DOCK7: variants seen among roughly 807,000 people sequenced by gnomAD.
DOCK7 encodes dedicator of cytokinesis 7, also known as dedicator of cytokinesis protein 7.
A neutral mutation model predicts 271.0 loss-of-function variants in DOCK7; 138 were observed. That is an observed-to-expected ratio of 0.51 (90% CI 0.44 to 0.59). The LOEUF (loss-of-function observed/expected upper bound fraction) is 0.59, where lower values mean the gene tolerates loss of function less well. Among genes scored for constraint, DOCK7 ranks in the 20% least tolerant of loss-of-function variants. The pLI, the probability that DOCK7 is intolerant of heterozygous loss-of-function variation, is 0.00. For synonymous variants in DOCK7, 823 were observed against 876.1 expected (o/e 0.94, Z 1.07); for missense variants, 2,066 against 2,592.4 (o/e 0.80, Z 4.41).
In DOCK7 at chr1:62,516,232, A is replaced by G. The variant is rs146072953; in HGVS notation, c.3937-2334T>C. 8.5e-5 allele frequency among the ~76,000 whole-genome samples: 13 copies of G among 152,356 alleles called. No individual in the cohort carries two copies. In the East Asian group the frequency reaches 2.5e-3, roughly 29 times the overall value. On this transcript the variant is annotated intron_variant, in intron 31 of 49. Transcript: ENST00000635253. ...AGATGGTCACATTTGCCTACATTAA[A>G]AATGAGAATTTGTATTCATTCAAAT...
intron 37 of DOCK7, 84 bp downstream of exon 37, chr1:62,504,546 C>G (rs1646884826): frequency 1.4e-6 from 2 of 1,396,178 alleles, no homozygotes; most frequent in Admixed American, 2.5e-5. Flanking sequence ...AAACTCCATG[C>G]TCTCCCAAAA....
In DOCK7 at chr1:62,494,295, C is replaced by T; in HGVS notation, c.5197G>A (p.Val1733Met). Residue 1733 changes from valine (V) to methionine (M), a missense_variant, in exon 40 of 50, where the codon GTG becomes ATG. Around this residue, in one of 2 missense-constraint regions of DOCK7, gnomAD observed 652 missense variants for 922.1 expected, o/e 0.71. Transcript: ENST00000635253. ...CCTACCTGAAATGTTACACATCCCA[C>T]AGGAAGATATTTCCGGTCCTCCAGC... ...SMLEDRKYLP[V>M]GCVTFQNISS... The T allele has an allele frequency of 6.3e-7, 1 of 1,598,556 alleles. No homozygotes were observed. The highest frequency in any genetic ancestry group is 1.1e-5 in the South Asian group (1 of 89,758).
rs191284206 is a variant in DOCK7 at position 62,574,148 on chromosome 1, C to A, written c.2112+3114G>T. On this transcript the variant is annotated intron_variant, in intron 18 of 49. Coordinates refer to ENST00000635253, the MANE Select transcript of DOCK7 (RefSeq NM_001367561.1). ...CCTAAATGCCATGTTTCTAATTCAG[C>A]CTCTAGATTGGGAGTCACAAGGATC... Among the ~76,000 whole-genome samples, 910 of 152,132 alleles carry A rather than the reference C, an allele frequency of 6.0e-3. 4 individuals carry two copies. The highest frequency in any genetic ancestry group is 0.011 in the Non-Finnish European group (744 of 67,994).
At chr1:62,657,320 C>T (rs371497814) in intron 2 of DOCK7, among the ~76,000 whole-genome samples, 4 of 152,254 alleles carry the variant, frequency 2.6e-5, no homozygotes, top group African/African-American at 9.6e-5. Flanking sequence ...AACAAGGAGT[C>T]CTTCCCCTCC....
chr1:62,520,392 A>C (rs1403739729), intron 31 of DOCK7, among the ~76,000 whole-genome samples: 2 of 152,202 alleles, frequency 1.3e-5, no homozygotes, highest in Admixed American at 6.5e-5. Flanking sequence ...AAAGAACTCA[A>C]ACAAATTTAC....
In DOCK7 at chr1:62,529,376, G is replaced by A. The variant is rs1475425403; in HGVS notation, c.3682C>T (p.Arg1228Trp). ...NLLSSHDSDP[R>W]YSDPQIKARV... ...GCCTTTATCTGAGGGTCAGAGTACC[G>A]CGGGTCTGAGTCGTGACTGGAGAGT... Residue 1228 changes from arginine (R) to tryptophan (W), a missense_variant, in exon 30 of 50, where the codon CGG becomes TGG. Arg to Trp is a moderately radical substitution (Grantham distance 101, BLOSUM62 -3). Transcript: ENST00000635253. 6 of 1,613,568 alleles carry A rather than the reference G, an allele frequency of 3.7e-6. No individual in the cohort carries two copies. The highest frequency in any genetic ancestry group is 1.3e-5 in the African/African-American group (1 of 74,850).
chr1:62,519,772 T>C (rs1041376404), intron 31 of DOCK7, among the ~76,000 whole-genome samples: 5 of 152,012 alleles, frequency 3.3e-5, no homozygotes, highest in African/African-American at 1.2e-4. Flanking sequence ...GATACACATT[T>C]TTTAAAAAAA....
intron 15 of DOCK7, 126 bp downstream of exon 15, chr1:62,586,381 T>C (rs749125770): frequency 1.6e-6 from 1 of 638,576 alleles, no homozygotes. Flanking sequence ...CAGAAAGTAA[T>C]GCAGTTAGAA....
intron 22 of DOCK7, among the ~76,000 whole-genome samples, chr1:62,547,633 G>A (rs1199757204): frequency 3.3e-5 from 5 of 151,996 alleles, no homozygotes; most frequent in African/African-American, 9.7e-5. Context: ...AGAAAGAAAC[G>A]TATCAGTGCA....
In DOCK7 at chr1:62,684,734, G is replaced by T. The variant is rs148414560; in HGVS notation, c.38+3493C>A. 3.5e-4 allele frequency among the ~76,000 whole-genome samples: 53 copies of T among 152,140 alleles called. No homozygotes were observed. In the East Asian group the frequency reaches 0.01, roughly 29 times the overall value. ...TGGGCCTTATCCTCAAAAAGCAAAG[G>T]GGACACACATGTACAAAGACAACTA... On this transcript the variant is annotated intron_variant, in intron 1 of 49. Transcript: ENST00000635253.
intron 1 of DOCK7, among the ~76,000 whole-genome samples, chr1:62,685,843 T>G (rs975414952): frequency 6.6e-6 from 1 of 152,218 alleles, no homozygotes; most frequent in Non-Finnish European, 1.5e-5. Flanking sequence ...TCACCTTGCA[T>G]GTCCAATCAC....
At chr1:62,654,679 T>A (rs544281040) in intron 2 of DOCK7, among the ~76,000 whole-genome samples, 2 of 151,838 alleles carry the variant, frequency 1.3e-5, no homozygotes, top group Non-Finnish European at 2.9e-5. Flanking sequence ...TGGAAAAAAA[T>A]AAAAAATAAA....
At chr1:62,522,882 T>C (rs760227800) in intron 31 of DOCK7, among the ~76,000 whole-genome samples, 1 of 152,122 alleles carries the variant, frequency 6.6e-6, no homozygotes, top group African/African-American at 2.4e-5. Flanking sequence ...TGTACAAAAA[T>C]TGATTCTATT....
chr1:62,598,036 A>T (rs770659249), intron 14 of DOCK7: 2 of 1,585,614 alleles, frequency 1.3e-6, no homozygotes, highest in Admixed American at 3.8e-5. Flanking sequence ...GAAACTCCAG[A>T]ACACCCAGAA....
At chr1:62,546,127 A>T (rs1645699789) in intron 22 of DOCK7, among the ~76,000 whole-genome samples, 1 of 152,202 alleles carries the variant, frequency 6.6e-6, no homozygotes, top group African/African-American at 2.4e-5. Flanking sequence ...GAGTTGGAAC[A>T]ACTGTAATCA....
In DOCK7 at chr1:62,511,130, G is replaced by A. The variant is rs573876103; in HGVS notation, c.4283-457C>T. ...TTCTTCTCACAAATTTTCCTTTATC[G>A]CCTCCTTAGAAAGGCCTCCCACTCT... On this transcript the variant is annotated intron_variant, in intron 33 of 49. Coordinates refer to ENST00000635253, the MANE Select transcript of DOCK7 (RefSeq NM_001367561.1). 9.2e-5 allele frequency: 14 copies of A among 152,814 alleles called. No homozygotes were observed. The South Asian group carries it at 1.5e-3, about 16-fold the overall frequency. The allele number at this position is 152,814 out of a possible 1,614,324, so 9.5% of individuals were successfully genotyped here. A position where few individuals can be genotyped will look rare whatever the true frequency, so the allele number is the denominator to read the frequency against.
At chr1:62,473,932 G>T (rs769909613) in intron 48 of DOCK7, 50 bp downstream of exon 48, 2 of 1,468,288 alleles carry the variant, frequency 1.4e-6, no homozygotes, top group Non-Finnish European at 1.9e-6. Flanking sequence ...TCATACTGTG[G>T]TATTGGACAG....
In DOCK7 at chr1:62,555,918, T is replaced by G. The variant is rs747830413; in HGVS notation, c.2503A>C (p.Asn835His). Residue 835 changes from asparagine to histidine, a missense_variant, in exon 21 of 50, where the codon AAT becomes CAT. This residue lies in a region of DOCK7 where 1,414 missense variants were observed against 1,670.4 expected (regional missense o/e 0.85). Coordinates refer to ENST00000635253, the MANE Select transcript of DOCK7 (RefSeq NM_001367561.1). ...INRLHKNLEGNHDQHGRNSLL... is the reference protein window; with the variant it reads ...INRLHKNLEGHHDQHGRNSLL... ...CTGTTTCTGCCATGCTGGTCATGAT[T>G]TCCTTCCAAGTTTTTGTGAAGTCGA... 17 of 1,613,832 alleles carry G rather than the reference T, an allele frequency of 1.1e-5. No homozygotes were observed. The South Asian group carries it at 1.8e-4, about 17-fold the overall frequency.
At chr1:62,572,788 A>C (rs1305475873) in intron 18 of DOCK7, among the ~76,000 whole-genome samples, 2 of 152,122 alleles carry the variant, frequency 1.3e-5, no homozygotes, top group Non-Finnish European at 2.9e-5. Flanking sequence ...TCAACATATG[A>C]TTTTTTGGGG....
Sources: allele counts gnomAD v4.1 joint callset (sites outside exome capture counted in the v4.1 genomes callset), GRCh38; gene constraint gnomAD v4.1.1; regional missense constraint gnomAD v4.1.1; transcripts MANE v1.5; gene names NCBI Gene and HGNC (gene_info 2026-07-23, HGNC 2026-07-21).